Variants in CPED1 observed in about 807,000 individuals in gnomAD.
CPED1 encodes cadherin-like and PC-esterase domain-containing protein 1.
In CPED1, 114 loss-of-function variants were observed where a neutral mutation model predicts 128.2. The ratio of observed to expected loss-of-function variants is 0.89; its 90% confidence interval spans 0.76 to 1.04. The LOEUF (loss-of-function observed/expected upper bound fraction) is 1.04, where lower values mean the gene tolerates loss of function less well. Among genes scored for constraint, CPED1 ranks in the 50% least tolerant of loss-of-function variants. The pLI, the probability that CPED1 is intolerant of heterozygous loss-of-function variation, is 0.00. For synonymous variants in CPED1, 462 were observed against 426.7 expected, an observed-to-expected ratio of 1.08 and a Z score of -1.02; for missense variants, 1,211 against 1,207.1, an observed-to-expected ratio of 1.00 and a Z score of -0.05.
intron 5 of CPED1, among the ~76,000 whole-genome samples, chr7:121,094,293 T>G (rs1484937852): frequency 6.6e-6 from 1 of 152,164 alleles, no homozygotes; most frequent in Non-Finnish European, 1.5e-5. Flanking sequence ...AATTATACTT[T>G]TATTATTACT....
intron 12 of CPED1, among the ~76,000 whole-genome samples, chr7:121,133,174 G>A (rs1361947442): frequency 6.6e-6 from 1 of 152,064 alleles, no homozygotes; most frequent in African/African-American, 2.4e-5. Flanking sequence ...GCCTGCAGAT[G>A]ATCCTGCCTG....
intron 5 of CPED1, among the ~76,000 whole-genome samples, chr7:121,088,938 T>C (rs1243528433): frequency 6.6e-6 from 1 of 152,140 alleles, no homozygotes; most frequent in African/African-American, 2.4e-5. Flanking sequence ...ACCTGGCTAA[T>C]GATGGGGATA....
At chr7:121,284,056 G>C (rs1584654034) in intron 22 of CPED1, among the ~76,000 whole-genome samples, 1 of 152,144 alleles carries the variant, frequency 6.6e-6, no homozygotes, top group Admixed American at 6.5e-5. Context: ...AAAGGAAAGA[G>C]GTTTAATTGA....
intron 16 of CPED1, among the ~76,000 whole-genome samples, chr7:121,205,693 G>A (rs13229354): frequency 0.095 from 14,392 of 151,890 alleles, 849 homozygotes; most frequent in South Asian, 0.17. Context: ...GCAGCACTCA[G>A]CTCTAGGATT....
At chr7:121,246,670 C>T (rs1327114192) in intron 18 of CPED1, among the ~76,000 whole-genome samples, 1 of 152,104 alleles carries the variant, frequency 6.6e-6, no homozygotes, top group Non-Finnish European at 1.5e-5. Context: ...TCAACATATG[C>T]ATTTGGAGGA....
At chr7:121,115,609 G>A (rs1037523067) in intron 7 of CPED1, among the ~76,000 whole-genome samples, 1 of 152,062 alleles carries the variant, frequency 6.6e-6, no homozygotes, top group Non-Finnish European at 1.5e-5. Flanking sequence ...ATATGAGATA[G>A]GTATCTTTCT....
chr7:121,032,041 A>C (rs1021163606), intron 3 of CPED1, among the ~76,000 whole-genome samples: 2 of 152,192 alleles, frequency 1.3e-5, no homozygotes, highest in African/African-American at 4.8e-5. Flanking sequence ...TTGCTTGTGG[A>C]AATGTGAAAT....
At chr7:121,116,693 T>C (rs1795241476) in intron 7 of CPED1, among the ~76,000 whole-genome samples, 1 of 152,248 alleles carries the variant, frequency 6.6e-6, no homozygotes, top group East Asian at 1.9e-4. Flanking sequence ...GCAGAAGTAA[T>C]GCTGGGGCTT....
intron 16 of CPED1, among the ~76,000 whole-genome samples, chr7:121,205,045 G>A (rs1015435825): frequency 1.3e-5 from 2 of 152,164 alleles, no homozygotes; most frequent in Non-Finnish European, 2.9e-5. Context: ...TCTCTGGAAA[G>A]CAAGGTTTAT....
chr7:121,201,442 A>AAGAGAAAG, intron 16 of CPED1, among the ~76,000 whole-genome samples: 1 of 131,382 alleles, frequency 7.6e-6, no homozygotes, highest in Non-Finnish European at 1.6e-5. Flanking sequence ...TCAAGAAAGA[A>AAGAGAAAG]AGAGAAAGAG....
chr7:121,049,811 A>G (rs1419185321), intron 4 of CPED1, among the ~76,000 whole-genome samples: 1 of 152,184 alleles, frequency 6.6e-6, no homozygotes, highest in Admixed American at 6.5e-5. Flanking sequence ...TCAACCAGGG[A>G]AAGATTCTGT....
At chr7:121,080,589 G>A (rs1196376494) in intron 5 of CPED1, among the ~76,000 whole-genome samples, 1 of 152,130 alleles carries the variant, frequency 6.6e-6, no homozygotes, top group African/African-American at 2.4e-5. Flanking sequence ...CGCTGCTGAG[G>A]TGGAGAAAAT....
chr7:121,238,094 A>G (rs1002497558), intron 17 of CPED1, among the ~76,000 whole-genome samples: 9 of 152,316 alleles, frequency 5.9e-5, no homozygotes, highest in South Asian at 4.1e-4. Flanking sequence ...CAAAAAGTTC[A>G]AGGTACATTA....
intron 7 of CPED1, among the ~76,000 whole-genome samples, chr7:121,120,987 A>AAAAAAAAAAT (rs1795371011): frequency 7.5e-6 from 1 of 133,130 alleles, no homozygotes; most frequent in Non-Finnish European, 1.6e-5. Flanking sequence ...AAAAAAAAAA[A>AAAAAAAAAAT]CAAAAAAACT....
chr7:121,283,095 A>G (rs947259507), intron 22 of CPED1, among the ~76,000 whole-genome samples: 2 of 152,232 alleles, frequency 1.3e-5, no homozygotes, highest in African/African-American at 4.8e-5. Context: ...TTTCTTCTAC[A>G]TAGAGACTCA....
rs1370211150 is a variant in CPED1, at chr7:121,284,355, A to T, written c.2869-11085A>T. Among the ~76,000 whole-genome samples, 7 of 152,194 alleles carry T rather than the reference A, an allele frequency of 4.6e-5. No homozygotes were observed. The East Asian group carries it at 1.3e-3, about 29-fold the overall frequency. On this transcript the variant is annotated intron_variant, in intron 22 of 22. Coordinates refer to ENST00000310396, the MANE Select transcript of CPED1 (RefSeq NM_024913.5). ...GGTGGGGACACAGCCAAACCATATC[A>T]TTCTGCCCCTGGCTCCTCTCCAAAT...
intron 16 of CPED1, among the ~76,000 whole-genome samples, chr7:121,178,770 A>G (rs1169357936): frequency 6.6e-6 from 1 of 152,080 alleles, no homozygotes; most frequent in African/African-American, 2.4e-5. Context: ...AGAATATGCT[A>G]ATGTTCGCAG....
At chr7:121,201,356 T>G (rs748089122) in intron 16 of CPED1, among the ~76,000 whole-genome samples, 1 of 151,802 alleles carries the variant, frequency 6.6e-6, no homozygotes, top group Non-Finnish European at 1.5e-5. Context: ...TGCTTGGACC[T>G]AGGAGGTGGA....
intron 2 of CPED1, among the ~76,000 whole-genome samples, chr7:121,010,096 G>T (rs1226804736): frequency 1.3e-5 from 2 of 152,162 alleles, no homozygotes; most frequent in African/African-American, 2.4e-5. Context: ...AGAGTAGTAG[G>T]AGAAGTGGAC....
Sources: allele counts gnomAD v4.1 joint callset (sites outside exome capture counted in the v4.1 genomes callset), GRCh38; gene constraint gnomAD v4.1.1; transcripts MANE v1.5; gene names NCBI Gene and HGNC (gene_info 2026-07-23, HGNC 2026-07-21).